CAMKMT: variants seen among roughly 807,000 people sequenced by gnomAD.
The protein encoded by CAMKMT is calmodulin-lysine N-methyltransferase.
In CAMKMT, 53 loss-of-function variants were observed where a neutral mutation model predicts 48.0. That is an observed-to-expected ratio of 1.10 (90% CI 0.89 to 1.39). CAMKMT has a LOEUF of 1.39. Ranked by LOEUF, CAMKMT falls within the 40% of genes most tolerant of loss-of-function variation. The pLI, the probability that CAMKMT is intolerant of heterozygous loss-of-function variation, is 0.00. For missense variants in CAMKMT, 428 were observed against 402.7 expected, an observed-to-expected ratio of 1.06 and a Z score of -0.54; for synonymous variants, 165 against 152.3, an observed-to-expected ratio of 1.08 and a Z score of -0.61.
intron 3 of CAMKMT, among the ~76,000 whole-genome samples, chr2:44,671,369 C>A (rs1003016560): frequency 6.6e-6 from 1 of 152,178 alleles, no homozygotes; most frequent in African/African-American, 2.4e-5. Flanking sequence ...AATAATAAAG[C>A]CTCAGATGGG....
chr2:44,510,823 G>A (rs1294127622), intron 3 of CAMKMT, among the ~76,000 whole-genome samples: 3 of 151,676 alleles, frequency 2.0e-5, no homozygotes, highest in Admixed American at 6.6e-5. Context: ...CTTCCTCCTC[G>A]AGTCCCCAAA....
intron 2 of CAMKMT, among the ~76,000 whole-genome samples, chr2:44,388,482 T>C (rs1680994755): frequency 6.6e-6 from 1 of 152,218 alleles, no homozygotes; most frequent in South Asian, 2.1e-4. Flanking sequence ...GCTTAATAAC[T>C]AACCTCCTGA....
At chr2:44,635,530 A>G (rs1673078871) in intron 3 of CAMKMT, among the ~76,000 whole-genome samples, 1 of 152,226 alleles carries the variant, frequency 6.6e-6, no homozygotes, top group African/African-American at 2.4e-5. Flanking sequence ...TCCATGCTCC[A>G]TCTTGCATAT....
chr2:44,582,116 C>T (rs1285900412), intron 3 of CAMKMT, among the ~76,000 whole-genome samples: 12 of 152,194 alleles, frequency 7.9e-5, no homozygotes, highest in Admixed American at 4.6e-4. Context: ...ATCATTCTAT[C>T]CATCGTAGGT....
At chr2:44,612,042 T>C (rs987418381) in intron 3 of CAMKMT, among the ~76,000 whole-genome samples, 1 of 152,110 alleles carries the variant, frequency 6.6e-6, no homozygotes, top group African/African-American at 2.4e-5. Flanking sequence ...ACATCCAAAC[T>C]ATATCATCTG....
chr2:44,417,817 C>G (rs1683661281), intron 3 of CAMKMT, among the ~76,000 whole-genome samples: 1 of 152,174 alleles, frequency 6.6e-6, no homozygotes, highest in Non-Finnish European at 1.5e-5. Flanking sequence ...AACATCTTTT[C>G]ATGTGCTTAT....
intron 3 of CAMKMT, among the ~76,000 whole-genome samples, chr2:44,646,008 C>T (rs1324184359): frequency 6.6e-6 from 1 of 152,170 alleles, no homozygotes; most frequent in Non-Finnish European, 1.5e-5. Flanking sequence ...ACCATTATAA[C>T]CCTACATGTG....
intron 6 of CAMKMT, among the ~76,000 whole-genome samples, chr2:44,713,516 G>A (rs1677997171): frequency 6.6e-6 from 1 of 152,078 alleles, no homozygotes; most frequent in African/African-American, 2.4e-5. Context: ...ATTTCTTCCT[G>A]AAATAGACAG....
At chr2:44,364,600 G>A (rs374337848) in intron 1 of CAMKMT, among the ~76,000 whole-genome samples, 1 of 152,202 alleles carries the variant, frequency 6.6e-6, no homozygotes, top group African/African-American at 2.4e-5. Context: ...TGGAAAGCCT[G>A]AGAGTAAGGA....
intron 3 of CAMKMT, among the ~76,000 whole-genome samples, chr2:44,513,387 C>T (rs905452014): frequency 9.9e-5 from 15 of 152,198 alleles, no homozygotes; most frequent in African/African-American, 3.6e-4. Context: ...TTCTAGTACA[C>T]TATGACTGCT....
At chr2:44,492,796 G>T (rs538921245) in intron 3 of CAMKMT, among the ~76,000 whole-genome samples, 7 of 151,792 alleles carry the variant, frequency 4.6e-5, no homozygotes, top group African/African-American at 1.7e-4. Flanking sequence ...TAAGGCATTT[G>T]TTCCTACTTT....
At chr2:44,426,663 G>T (rs1487601223) in intron 3 of CAMKMT, among the ~76,000 whole-genome samples, 6 of 152,146 alleles carry the variant, frequency 3.9e-5, no homozygotes, top group South Asian at 2.1e-4. Context: ...ACTGCTGAAA[G>T]AAATTATAGA....
chr2:44,529,863 T>A (rs1005978906), intron 3 of CAMKMT, among the ~76,000 whole-genome samples: 3 of 152,204 alleles, frequency 2.0e-5, no homozygotes, highest in Admixed American at 1.3e-4. Flanking sequence ...TTTGAGAAAT[T>A]TCAACACTTT....
At chr2:44,763,807 T>C (rs1680718528) in intron 9 of CAMKMT, among the ~76,000 whole-genome samples, 1 of 152,222 alleles carries the variant, frequency 6.6e-6, no homozygotes, top group African/African-American at 2.4e-5. Context: ...GGAGATGCAT[T>C]GCTTTGTCAA....
In CAMKMT at chr2:44,730,535, T is replaced by C. The variant is rs188429580; in HGVS notation, c.624-13087T>C. Among the ~76,000 whole-genome samples, 11 of 152,350 alleles carry C rather than the reference T, an allele frequency of 7.2e-5. No homozygotes were observed. In the East Asian group the frequency reaches 1.9e-3, roughly 27 times the overall value. On this transcript the variant is annotated intron_variant, in intron 7 of 10. Transcript: ENST00000378494. ...TCAATAACATTTATAGACAGACGAC[T>C]CCCAAATTAGGAAGTCAACGGATCA... is the stretch of plus-strand genomic sequence containing the variant.
At position 44,772,153 on chromosome 2, in the gene CAMKMT, C is replaced by T; in HGVS notation, c.*40C>T. The T allele has an allele frequency of 1.3e-6, 2 of 1,528,510 alleles. No individual in the cohort carries two copies. The highest frequency in any genetic ancestry group is 1.8e-6 in the Non-Finnish European group (2 of 1,107,850). The allele number at this position is 1,528,510 out of a possible 1,614,324, so 94.7% of individuals were successfully genotyped here. Reference sequence around the variant, plus strand: ...CAAAGACGAAGAAACGTATCAAGTGCATAGGGAATATTTTTACAAAAACGG... The same window carrying T: ...CAAAGACGAAGAAACGTATCAAGTGTATAGGGAATATTTTTACAAAAACGG... On this transcript the variant is annotated 3_prime_UTR_variant, in exon 11 of 11. Transcript: ENST00000378494.
intron 3 of CAMKMT, among the ~76,000 whole-genome samples, chr2:44,647,150 A>T (rs929594575): frequency 6.6e-6 from 1 of 152,142 alleles, no homozygotes; most frequent in Non-Finnish European, 1.5e-5. Flanking sequence ...CTAGCTACAT[A>T]GCTAGCTAGA....
intron 6 of CAMKMT, among the ~76,000 whole-genome samples, chr2:44,710,480 C>A (rs765083367): frequency 6.6e-6 from 1 of 152,112 alleles, no homozygotes; most frequent in Non-Finnish European, 1.5e-5. Flanking sequence ...TCAAAGCCCC[C>A]ACACCTGAGA....
Position 44,715,353 on chromosome 2 carries a change from G to A in CAMKMT, c.623G>A (p.Cys208Tyr). The A allele has an allele frequency of 6.2e-7, 1 of 1,609,954 alleles. No individual in the cohort carries two copies. The highest frequency in any genetic ancestry group is 8.5e-7 in the Non-Finnish European group (1 of 1,177,254). The change falls in exon 7 of 11, where the codon TGC becomes TAC. Residue 208 changes from cysteine to tyrosine, a missense_variant and splice_region_variant. By Grantham distance (194) the Cys-to-Tyr change is radical. Coordinates refer to ENST00000378494, the MANE Select transcript of CAMKMT (RefSeq NM_024766.5). Reference protein sequence around the residue: ...GVFKTQKISSCVLRWDNETDV... With the variant: ...GVFKTQKISSYVLRWDNETDV... ...TTTAAGACCCAGAAAATATCAAGCT[G>A]GTAAGATACCTTTCTGCATTAAAAA...
Sources: gnomAD v4.1 joint callset for allele counts (sites outside exome capture counted in the v4.1 genomes callset) on GRCh38, gnomAD v4.1.1 for gene constraint, MANE v1.5 for transcripts, NCBI Gene and HGNC (gene_info 2026-07-23, HGNC 2026-07-21) for gene names.